PLCB4: variants seen among roughly 807,000 people sequenced by gnomAD.
The protein encoded by PLCB4 is 1-phosphatidylinositol 4,5-bisphosphate phosphodiesterase beta-4.
PLCB4 carries 77 observed loss-of-function variants against 178.8 expected under a neutral mutation model. The ratio of observed to expected loss-of-function variants is 0.43; its 90% CI spans 0.36 to 0.52. The LOEUF (loss-of-function observed/expected upper bound fraction) is 0.52, where lower values mean the gene tolerates loss of function less well. PLCB4 is among the 20% of genes least tolerant of loss of function. The pLI is 0.00. For synonymous variants in PLCB4, 496 were observed against 490.8 expected (o/e 1.01, Z -0.14); for missense variants, 1,024 against 1,453.4 (o/e 0.70, Z 4.80).
intron 7 of PLCB4, among the ~76,000 whole-genome samples, chr20:9,344,718 A>G (rs1436939813): frequency 6.6e-6 from 1 of 152,198 alleles, no homozygotes; most frequent in Admixed American, 6.5e-5. Flanking sequence ...TGTTATTTTT[A>G]GAGCCACATT....
intron 2 of PLCB4, among the ~76,000 whole-genome samples, chr20:9,114,174 A>G (rs566235407): frequency 1.9e-4 from 29 of 152,122 alleles, no homozygotes; most frequent in Non-Finnish European, 4.1e-4. Context: ...AGATCATGCC[A>G]TTGCATTCTA....
intron 2 of PLCB4, among the ~76,000 whole-genome samples, chr20:9,194,274 G>C (rs1198311768): frequency 6.6e-6 from 1 of 152,172 alleles, no homozygotes; most frequent in East Asian, 1.9e-4. Flanking sequence ...AGGCCTTACT[G>C]TTTAGATGTT....
intron 4 of PLCB4, among the ~76,000 whole-genome samples, chr20:9,318,549 C>T (rs1362040429): frequency 6.6e-6 from 1 of 152,182 alleles, no homozygotes; most frequent in Non-Finnish European, 1.5e-5. Flanking sequence ...GGCTGACAGT[C>T]ATATATGTCT....
chr20:9,475,069 A>G (rs1465174070), intron 38 of PLCB4, among the ~76,000 whole-genome samples: 2 of 152,226 alleles, frequency 1.3e-5, no homozygotes, highest in Non-Finnish European at 2.9e-5. Flanking sequence ...TGATTCAACA[A>G]TGGGTAGGGA....
At chr20:9,456,085 C>T (rs1300599196) in intron 33 of PLCB4, among the ~76,000 whole-genome samples, 3 of 152,204 alleles carry the variant, frequency 2.0e-5, no homozygotes, top group Non-Finnish European at 4.4e-5. Flanking sequence ...ATCTGCCTAC[C>T]TTGGCTTCCC....
intron 2 of PLCB4, among the ~76,000 whole-genome samples, chr20:9,097,990 T>C (rs954194235): frequency 4.6e-5 from 7 of 152,214 alleles, no homozygotes; most frequent in Admixed American, 3.3e-4. Flanking sequence ...TATGAGAGTA[T>C]GCTAGCAGAG....
intron 7 of PLCB4, 129 bp downstream of exon 7, chr20:9,339,166 A>G (rs1417949018): frequency 2.0e-5 from 15 of 756,840 alleles, no homozygotes; most frequent in Non-Finnish European, 2.9e-5. Flanking sequence ...TGCTTTGCTG[A>G]CATGTTTCTG....
At chr20:9,103,225 C>T (rs1031697580) in intron 2 of PLCB4, among the ~76,000 whole-genome samples, 5 of 152,110 alleles carry the variant, frequency 3.3e-5, no homozygotes, top group Non-Finnish European at 7.4e-5. Flanking sequence ...CCCTTCTATA[C>T]TCTTAAGAAT....
chr20:9,347,954 C>T (rs2033967901), intron 7 of PLCB4, among the ~76,000 whole-genome samples: 1 of 152,132 alleles, frequency 6.6e-6, no homozygotes, highest in Admixed American at 6.6e-5. Flanking sequence ...AGCGTGGCAA[C>T]AGAGTGAGAC....
At chr20:9,244,857 C>CAGTATA (rs2094108432) in intron 3 of PLCB4, among the ~76,000 whole-genome samples, 1 of 152,172 alleles carries the variant, frequency 6.6e-6, no homozygotes, top group Non-Finnish European at 1.5e-5. Context: ...ATGCCTACAT[C>CAGTATA]ATGGCTTAAA....
intron 2 of PLCB4, among the ~76,000 whole-genome samples, chr20:9,188,025 CA>C (rs1443487400): frequency 1.3e-5 from 2 of 152,244 alleles, no homozygotes; most frequent in African/African-American, 2.4e-5. Flanking sequence ...AACATTCACA[CA>C]TTTCTTCATT....
chr20:9,447,127 T>G (rs1464163992), intron 32 of PLCB4, among the ~76,000 whole-genome samples: 4 of 152,222 alleles, frequency 2.6e-5, no homozygotes, highest in Non-Finnish European at 5.9e-5. Context: ...TTCTTAGGTA[T>G]TCTCATAACA....
At chr20:9,316,728 G>C (rs1329811920) in intron 4 of PLCB4, among the ~76,000 whole-genome samples, 2 of 152,166 alleles carry the variant, frequency 1.3e-5, no homozygotes, top group Non-Finnish European at 2.9e-5. Flanking sequence ...AGGCATCTGA[G>C]CACCACCTCA....
intron 28 of PLCB4, among the ~76,000 whole-genome samples, chr20:9,433,953 C>G (rs921314029): frequency 2.0e-5 from 3 of 152,088 alleles, no homozygotes; most frequent in Admixed American, 6.5e-5. Flanking sequence ...AATACTCTTA[C>G]CCATCATTCT....
chr20:9,343,898 C>G (rs2033512947), intron 7 of PLCB4, among the ~76,000 whole-genome samples: 1 of 152,210 alleles, frequency 6.6e-6, no homozygotes, highest in Admixed American at 6.5e-5. Context: ...TATCCAGAAT[C>G]CAGCTGCTCC....
At position 9,282,048 on chromosome 20, in the gene PLCB4, T is replaced by G. The variant is rs187023989; in HGVS notation, c.-15-25752T>G. Among the ~76,000 whole-genome samples the G allele has an allele frequency of 2.0e-5, 3 of 152,116 alleles. No individual in the cohort carries two copies. The East Asian group carries it at 5.8e-4, about 30-fold the overall frequency. ...TCTTATATATCACATAATCTTTCCC[T>G]TGTTCCTTCCTCTGAAGACAGTAGG... On this transcript the variant is annotated intron_variant, in intron 3 of 39. Coordinates refer to ENST00000378473, the MANE Select transcript of PLCB4 (RefSeq NM_001377142.1).
intron 2 of PLCB4, among the ~76,000 whole-genome samples, chr20:9,190,161 A>T (rs1340324145): frequency 6.6e-6 from 1 of 152,092 alleles, no homozygotes; most frequent in African/African-American, 2.4e-5. Context: ...CAGGGAAGAA[A>T]ATTAGCACAT....
intron 4 of PLCB4, among the ~76,000 whole-genome samples, chr20:9,330,344 T>C (rs2031449023): frequency 1.3e-5 from 2 of 151,174 alleles, no homozygotes; most frequent in African/African-American, 4.9e-5. Flanking sequence ...TCTCCAACCT[T>C]GACAAGGTCT....
At chr20:9,192,670 C>T (rs2093420860) in intron 2 of PLCB4, among the ~76,000 whole-genome samples, 1 of 151,496 alleles carries the variant, frequency 6.6e-6, no homozygotes. Context: ...AAAAAATTAG[C>T]TGGGCATGGT....
Sources: gnomAD v4.1 joint callset for allele counts (sites outside exome capture counted in the v4.1 genomes callset) on GRCh38, gnomAD v4.1.1 for gene constraint, MANE v1.5 for transcripts, NCBI Gene and HGNC (gene_info 2026-07-23, HGNC 2026-07-21) for gene names.